Variants in SPOCK3 observed in about 807,000 individuals in gnomAD.
The protein encoded by SPOCK3 is SPARC (osteonectin), cwcv and kazal like domains proteoglycan 3.
Under a neutral mutation model 56.6 loss-of-function variants are expected in SPOCK3, and 30 were observed. That is an observed-to-expected ratio of 0.53 (90% CI 0.40 to 0.72). The LOEUF (loss-of-function observed/expected upper bound fraction) is 0.72. SPOCK3 is among the 30% of genes least tolerant of loss of function. SPOCK3 has a pLI of 0.00. For missense variants in SPOCK3, 527 were observed against 530.0 expected, an observed-to-expected ratio of 0.99 and a Z score of 0.06; for synonymous variants, 196 against 183.3, an observed-to-expected ratio of 1.07 and a Z score of -0.56.
intron 3 of SPOCK3, among the ~76,000 whole-genome samples, chr4:167,019,954 G>T (rs1751008961): frequency 6.6e-6 from 1 of 152,240 alleles, no homozygotes; most frequent in East Asian, 1.9e-4. Context: ...GTACTGAAGA[G>T]GGAAAAGCTG....
intron 7 of SPOCK3, among the ~76,000 whole-genome samples, chr4:166,764,266 G>C (rs1737656928): frequency 6.6e-6 from 1 of 151,988 alleles, no homozygotes; most frequent in Admixed American, 6.6e-5. Context: ...ATGTATACAT[G>C]TACCATGTTG....
At chr4:166,837,979 T>C (rs1746808583) in intron 6 of SPOCK3, among the ~76,000 whole-genome samples, 1 of 152,200 alleles carries the variant, frequency 6.6e-6, no homozygotes, top group South Asian at 2.1e-4. Context: ...TTTCATCTCA[T>C]GATATATATC....
chr4:166,839,988 G>A (rs1747067155), intron 6 of SPOCK3, among the ~76,000 whole-genome samples: 1 of 152,278 alleles, frequency 6.6e-6, no homozygotes, highest in Middle Eastern at 3.4e-3. Flanking sequence ...CTTTGAGCTT[G>A]CGTTTTAGTG....
chr4:166,966,475 T>C (rs1744748750), intron 4 of SPOCK3, among the ~76,000 whole-genome samples: 1 of 152,184 alleles, frequency 6.6e-6, no homozygotes, highest in Non-Finnish European at 1.5e-5. Context: ...AGAATGTTTT[T>C]ATGCGTCCTT....
At chr4:167,055,654 C>T (rs962269331) in intron 3 of SPOCK3, among the ~76,000 whole-genome samples, 29 of 152,298 alleles carry the variant, frequency 1.9e-4, no homozygotes, top group Admixed American at 5.9e-4. Flanking sequence ...GATTATATCC[C>T]GCACCTGGCT....
chr4:167,102,770 G>A (rs1012877075), intron 2 of SPOCK3, among the ~76,000 whole-genome samples: 2 of 151,902 alleles, frequency 1.3e-5, no homozygotes, highest in African/African-American at 4.8e-5. Flanking sequence ...TCGCCACCAT[G>A]GCCAAATAAA....
At chr4:166,962,988 C>T (rs998788297) in intron 4 of SPOCK3, among the ~76,000 whole-genome samples, 1 of 152,030 alleles carries the variant, frequency 6.6e-6, no homozygotes, top group Non-Finnish European at 1.5e-5. Flanking sequence ...TGAATAAATG[C>T]CATTCCTTTT....
intron 5 of SPOCK3, among the ~76,000 whole-genome samples, chr4:166,907,716 T>C (rs545774743): frequency 2.0e-5 from 3 of 152,098 alleles, no homozygotes; most frequent in Non-Finnish European, 4.4e-5. Flanking sequence ...AGGGACTTTA[T>C]TGCATAGACA....
chr4:167,205,339 T>G (rs1187211045), intron 2 of SPOCK3, among the ~76,000 whole-genome samples: 3 of 45,526 alleles, frequency 6.6e-5, no homozygotes, highest in African/African-American at 2.1e-4. Flanking sequence ...ATATATTATA[T>G]ATTATATATA....
Position 167,142,677 on chromosome 4 carries a change from A to T in SPOCK3, c.190-80140T>A, listed in dbSNP as rs1037092695. On this transcript the variant is annotated intron_variant, in intron 2 of 10. Transcript: ENST00000357545. ...TTTATTGGAAGGTGTGAGGAAAAGT[A>T]GCAATAGATGCAAAGGAGATTAAGC... Among the ~76,000 whole-genome samples, 26 of 152,072 alleles carry T rather than the reference A, an allele frequency of 1.7e-4. 1 individual carries two copies. Among genetic ancestry groups the T allele is most frequent in the South Asian group, 1.0e-3 (5 of 4,830 alleles).
chr4:166,866,297 CTT>C (rs1731833794), intron 6 of SPOCK3, among the ~76,000 whole-genome samples: 2 of 152,146 alleles, frequency 1.3e-5, no homozygotes, highest in Admixed American at 1.3e-4. Context: ...GGATTAAAGA[CTT>C]AAGTGTAAAA....
chr4:166,752,774 A>G (rs1198898279), intron 8 of SPOCK3, among the ~76,000 whole-genome samples: 1 of 152,024 alleles, frequency 6.6e-6, no homozygotes, highest in Non-Finnish European at 1.5e-5. Context: ...TATCACTAGC[A>G]TGCCTTCTCA....
intron 4 of SPOCK3, among the ~76,000 whole-genome samples, chr4:166,967,531 T>C (rs1402051052): frequency 2.6e-5 from 4 of 152,144 alleles, no homozygotes; most frequent in Non-Finnish European, 4.4e-5. Flanking sequence ...CCTCCTTTGT[T>C]CTCTCTATTC....
At chr4:166,813,214 G>A (rs1011572205) in intron 6 of SPOCK3, among the ~76,000 whole-genome samples, 2 of 151,954 alleles carry the variant, frequency 1.3e-5, no homozygotes, top group African/African-American at 4.8e-5. Context: ...ACCACTAATG[G>A]CCTGTAGGAC....
chr4:166,947,166 TC>T (rs1362714082), intron 4 of SPOCK3, among the ~76,000 whole-genome samples: 1 of 152,160 alleles, frequency 6.6e-6, no homozygotes, highest in African/African-American at 2.4e-5. Context: ...CACAATTTTT[TC>T]ATCTCCTATT....
chr4:166,742,752 G>A (rs990550583), intron 8 of SPOCK3, among the ~76,000 whole-genome samples: 1 of 152,030 alleles, frequency 6.6e-6, no homozygotes, highest in African/African-American at 2.4e-5. Flanking sequence ...AACCGATCTG[G>A]AAATAGTCTT....
At chr4:166,754,827 C>T in intron 7 of SPOCK3, 98 bp from the exon 8 acceptor site, 1 of 1,047,850 alleles carries the variant, frequency 9.5e-7, no homozygotes, top group South Asian at 1.5e-5. Context: ...TGTAGGACAT[C>T]TAATGAATAG....
intron 5 of SPOCK3, among the ~76,000 whole-genome samples, chr4:166,895,285 A>G (rs1310733827): frequency 6.6e-6 from 1 of 152,218 alleles, no homozygotes; most frequent in Non-Finnish European, 1.5e-5. Flanking sequence ...AACAACTAAG[A>G]GGATTTTTCA....
intron 6 of SPOCK3, among the ~76,000 whole-genome samples, chr4:166,810,920 CTACTT>C (rs1407079929): frequency 6.6e-6 from 1 of 151,856 alleles, no homozygotes; most frequent in Admixed American, 6.6e-5. Context: ...ATTTGTAACT[CTACTT>C]CTACAAATAG....
Sources: allele counts gnomAD v4.1 joint callset (sites outside exome capture counted in the v4.1 genomes callset), GRCh38; gene constraint gnomAD v4.1.1; transcripts MANE v1.5; gene names NCBI Gene and HGNC (gene_info 2026-07-23, HGNC 2026-07-21).